LUC7L2: variants seen among roughly 807,000 people sequenced by gnomAD.
The protein encoded by LUC7L2 is LUC7 like 2, pre-mRNA splicing factor.
A neutral mutation model predicts 52.8 loss-of-function variants in LUC7L2; 25 were observed. The observed-to-expected ratio is 0.47, with a 90% CI of 0.34 to 0.66. The LOEUF (loss-of-function observed/expected upper bound fraction) is 0.66. Among genes scored for constraint, LUC7L2 ranks in the 30% least tolerant of loss-of-function variants. LUC7L2 has a pLI of 0.01. For synonymous variants in LUC7L2, 144 were observed against 160.9 expected, an observed-to-expected ratio of 0.89 and a Z score of 0.80; for missense variants, 328 against 497.8, an observed-to-expected ratio of 0.66 and a Z score of 3.25.
intron 6 of LUC7L2, among the ~76,000 whole-genome samples, chr7:139,409,136 A>G (rs7781459): frequency 0.39 from 58,138 of 149,852 alleles, 15,546 homozygotes; most frequent in African/African-American, 0.77. Flanking sequence ...GACTGTCTCT[A>G]AAAAAAAAAT....
intron 2 of LUC7L2, among the ~76,000 whole-genome samples, chr7:139,385,754 A>T (rs1172293515): frequency 6.6e-6 from 1 of 152,196 alleles, no homozygotes; most frequent in African/African-American, 2.4e-5. Flanking sequence ...TGTCATATTG[A>T]TTTCTTTGTA....
chr7:139,410,262 T>G (rs1376440048), intron 7 of LUC7L2, among the ~76,000 whole-genome samples: 1 of 151,892 alleles, frequency 6.6e-6, no homozygotes, highest in Non-Finnish European at 1.5e-5. Context: ...TTTTTCATAT[T>G]GGGCTAGATT....
intron 2 of LUC7L2, among the ~76,000 whole-genome samples, chr7:139,391,522 A>G (rs373523162): frequency 2.6e-5 from 4 of 152,208 alleles, no homozygotes; most frequent in South Asian, 4.1e-4. Context: ...TAATATGTCT[A>G]TTCGTTGATT....
intron 1 of LUC7L2, among the ~76,000 whole-genome samples, chr7:139,372,469 A>G (rs1187835230): frequency 2.0e-5 from 3 of 151,632 alleles, no homozygotes; most frequent in Non-Finnish European, 4.4e-5. Flanking sequence ...TTTCTACTTT[A>G]CTTTGATCTA....
At chr7:139,360,419 G>A (rs1799810574) in intron 1 of LUC7L2, 97 bp downstream of exon 1, 2 of 1,150,098 alleles carry the variant, frequency 1.7e-6, no homozygotes, top group Non-Finnish European at 2.5e-6. Flanking sequence ...GTGTGGCTGA[G>A]TAAGGGGCTC....
At chr7:139,376,577 A>G (rs1240479054) in intron 2 of LUC7L2, among the ~76,000 whole-genome samples, 1 of 152,230 alleles carries the variant, frequency 6.6e-6, no homozygotes, top group Non-Finnish European at 1.5e-5. Context: ...GTAAATACTT[A>G]TATCCACACA....
upstream of LUC7L2, chr7:139,359,496 C>G (rs1435398423): frequency 4.6e-6 from 1 of 216,392 alleles, no homozygotes; most frequent in East Asian, 9.7e-5. Flanking sequence ...GCGTTCGCCC[C>G]GAGCACGCCC....
Position 139,423,328 on chromosome 7 carries a change from A to AC in LUC7L2, c.*989dup, listed in dbSNP as rs1491113817. Reference sequence around the variant, plus strand: ...AGCTGTTCATGTGGGCCCCTTGCTGACTATATTCCAGCCACTTCAGGGTTG... The same window carrying AC: ...AGCTGTTCATGTGGGCCCCTTGCTGACCTATATTCCAGCCACTTCAGGGTTG... On this transcript the variant is annotated 3_prime_UTR_variant, in exon 10 of 10. Coordinates refer to ENST00000354926, the MANE Select transcript of LUC7L2 (RefSeq NM_016019.5). The AC allele has an allele frequency of 6.0e-5, 24 of 398,880 alleles. No homozygotes were observed. The highest frequency in any genetic ancestry group is 4.3e-4 in the African/African-American group (21 of 48,616). The allele number at this position is 398,880 out of a possible 1,614,324, so 24.7% of individuals were successfully genotyped here.
intron 9 of LUC7L2, among the ~76,000 whole-genome samples, chr7:139,418,154 A>ATT (rs1271524331): frequency 1.3e-5 from 2 of 152,200 alleles, no homozygotes; most frequent in Non-Finnish European, 2.9e-5. Flanking sequence ...GAGCAGACAC[A>ATT]TTCTAGTATA....
At chr7:139,367,120 C>T (rs916366927) in intron 1 of LUC7L2, among the ~76,000 whole-genome samples, 6 of 152,078 alleles carry the variant, frequency 3.9e-5, no homozygotes, top group African/African-American at 1.4e-4. Flanking sequence ...GACAGGCATG[C>T]ACTGTCATGC....
At chr7:139,349,296 T>C (rs561219221) in intron 1 of LUC7L2, among the ~76,000 whole-genome samples, 5 of 152,386 alleles carry the variant, frequency 3.3e-5, no homozygotes, top group African/African-American at 1.2e-4. Context: ...TTCTAAGCCC[T>C]ACTGCCATCA....
At chr7:139,370,957 G>C (rs1215752585) in intron 1 of LUC7L2, among the ~76,000 whole-genome samples, 1 of 152,142 alleles carries the variant, frequency 6.6e-6, no homozygotes, top group Non-Finnish European at 1.5e-5. Flanking sequence ...TTAAGCTTTT[G>C]GTTGTACACC....
chr7:139,403,511 A>G (rs142749814), intron 4 of LUC7L2, among the ~76,000 whole-genome samples: 37 of 152,256 alleles, frequency 2.4e-4, no homozygotes, highest in Admixed American at 6.5e-4. Context: ...CTTTTAGTCA[A>G]CCTTTTCTGA....
intron 1 of LUC7L2, among the ~76,000 whole-genome samples, chr7:139,350,762 G>A (rs2131156367): frequency 6.6e-6 from 1 of 150,948 alleles, no homozygotes; most frequent in Admixed American, 6.6e-5. Context: ...TGCAACCTCT[G>A]CCTTCTGGGT....
rs746339341 is a variant in LUC7L2 at position 139,352,704 on chromosome 7, G to A, written c.-26+12187G>A. Among the ~76,000 whole-genome samples, 6 of 152,230 alleles carry A rather than the reference G, an allele frequency of 3.9e-5. No homozygotes were observed. In the East Asian group the frequency reaches 7.7e-4, roughly 20 times the overall value. On this transcript the variant is annotated intron_variant, in intron 1 of 10. Coordinates refer to the LUC7L2 transcript ENST00000541170. ...CTGGCTATAAAGTATTGAGTTCCTT[G>A]TCTGGTTAAGTGTTAGAGATACAAA...
At chr7:139,403,773 T>G (rs1451415269) in intron 4 of LUC7L2, among the ~76,000 whole-genome samples, 1 of 152,224 alleles carries the variant, frequency 6.6e-6, no homozygotes, top group Non-Finnish European at 1.5e-5. Flanking sequence ...TATTCTTGTT[T>G]CAGCTGGGCT....
intron 1 of LUC7L2, among the ~76,000 whole-genome samples, chr7:139,348,308 G>A (rs551193052): frequency 6.6e-6 from 1 of 151,900 alleles, no homozygotes; most frequent in Non-Finnish European, 1.5e-5. Flanking sequence ...AAAGTGCTGG[G>A]ATTATAGGCA....
At chr7:139,400,259 C>T (rs1794848617) in intron 3 of LUC7L2, among the ~76,000 whole-genome samples, 1 of 152,114 alleles carries the variant, frequency 6.6e-6, no homozygotes, top group African/African-American at 2.4e-5. Flanking sequence ...GTAATCCCAG[C>T]ACTTTGGGAG....
At chr7:139,363,075 C>CT (rs1799967969) in intron 1 of LUC7L2, 1 of 219,144 alleles carries the variant, frequency 4.6e-6, no homozygotes. Flanking sequence ...ATGATGGTGC[C>CT]GGGAGGCTGG....
Sources: gnomAD v4.1 joint callset for allele counts (sites outside exome capture counted in the v4.1 genomes callset) on GRCh38, gnomAD v4.1.1 for gene constraint, MANE v1.5 for transcripts, NCBI Gene and HGNC (gene_info 2026-07-23, HGNC 2026-07-21) for gene names.